Variants in DALRD3 observed in about 807,000 individuals in gnomAD.
DALRD3 encodes the protein DALR anticodon binding domain containing 3.
DALRD3 carries 47 observed loss-of-function variants against 56.7 expected under a neutral mutation model. That is an observed-to-expected ratio of 0.83 (90% CI 0.66 to 1.06). The LOEUF is 1.06. DALRD3 is among the 50% of genes least tolerant of loss of function. The pLI, the probability that DALRD3 is intolerant of heterozygous loss-of-function variation, is 0.00. For synonymous variants in DALRD3, 347 were observed against 308.5 expected, an observed-to-expected ratio of 1.12 and a Z score of -1.31; for missense variants, 787 against 724.0, an observed-to-expected ratio of 1.09 and a Z score of -1.00.
chr3:49,019,933 A>G (rs1393401838), upstream of DALRD3, among the ~76,000 whole-genome samples: 1 of 152,220 alleles, frequency 6.6e-6, no homozygotes, highest in Non-Finnish European at 1.5e-5. Context: ...TCCTCTACCA[A>G]TAGGAAAGGT....
intron 1 of DALRD3, 24 bp downstream of exon 1, chr3:49,018,376 C>T: frequency 1.3e-6 from 2 of 1,533,720 alleles, no homozygotes; most frequent in Admixed American, 2.1e-5. Flanking sequence ...CCCGGCCGCA[C>T]GGCCCCGCCC....
In DALRD3 at chr3:49,016,846, T is replaced by G. The variant is rs1248672463; in HGVS notation, c.929A>C (p.Lys310Thr). 1 of 1,614,094 alleles carries G rather than the reference T, an allele frequency of 6.2e-7. No homozygotes were observed. The highest frequency in any genetic ancestry group is 8.5e-7 in the Non-Finnish European group (1 of 1,180,044). ...KLVDKAPLRQ[K>T]HLICGPVKVA... is the part of the protein sequence containing the mutation. ...TTTCACAGGGCCACAGATGAGGTGCTTCTGTCAGAAAGATGTCAGGGGCTC... is the reference window on the plus strand; with the variant it reads ...TTTCACAGGGCCACAGATGAGGTGCGTCTGTCAGAAAGATGTCAGGGGCTC... Residue 310 changes from lysine to threonine, a missense_variant and splice_region_variant, in exon 6 of 12, where the codon AAG becomes ACG. By Grantham distance (78) the Lys-to-Thr change is moderately conservative. Coordinates refer to ENST00000341949, the MANE Select transcript of DALRD3 (RefSeq NM_001009996.3).
chr3:49,021,298 C>T (rs1353658974), upstream of DALRD3: 1 of 152,424 alleles, frequency 6.6e-6, no homozygotes, highest in Non-Finnish European at 1.5e-5. The surrounding 1 kb of genome is among the most constrained non-coding windows in gnomAD (Gnocchi z 4.1). Flanking sequence ...ATGCCCAAAC[C>T]CCGCGCGGGG....
Position 49,016,087 on chromosome 3 carries a change from C to T in DALRD3, c.1330-1G>A. Reference sequence around the variant, plus strand: ...TGTTGAAGAGCAACAACCACTCACCCTGTTGGGGAGAAAGGTGCTGGGAGG... The same window carrying T: ...TGTTGAAGAGCAACAACCACTCACCTTGTTGGGGAGAAAGGTGCTGGGAGG... On this transcript the variant is annotated splice_acceptor_variant, in intron 9 of 11. Transcript: ENST00000341949. LOFTEE classifies it high-confidence loss of function. 6.2e-7 allele frequency: 1 copy of T among 1,605,190 alleles called. No individual in the cohort carries two copies. Among genetic ancestry groups the T allele is most frequent in the Non-Finnish European group, 8.5e-7 (1 of 1,173,828 alleles).
upstream of DALRD3, among the ~76,000 whole-genome samples, chr3:49,019,851 G>C (rs747358375): frequency 6.6e-6 from 1 of 152,166 alleles, no homozygotes; most frequent in Non-Finnish European, 1.5e-5. Context: ...CCTGTTTTAG[G>C]CAACAGCCAT....
rs2106719629 is a variant in DALRD3 at position 49,016,212 on chromosome 3, C to T, written c.1275G>A (p.Leu425=). ...TGCTCACAGGAGGAAAAGTGGGGTACAGACCTTGTTCCATACTACACTTGT... is the reference window on the plus strand; with the variant it reads ...TGCTCACAGGAGGAAAAGTGGGGTATAGACCTTGTTCCATACTACACTTGT... ...ESYKCSMEQG[L]YPTFPPVSSL... is the part of the protein sequence containing the mutation. The change falls in exon 9 of 12, where the codon CTG becomes CTA. Residue 425 remains leucine, a synonymous_variant. Transcript: ENST00000341949. 6.2e-7 allele frequency: 1 copy of T among 1,614,164 alleles called. No homozygotes were observed. The highest frequency in any genetic ancestry group is 2.2e-5 in the East Asian group (1 of 44,878).
chr3:49,017,152 C>T (rs1184891976), intron 5 of DALRD3, 76 bp downstream of exon 5: 2 of 1,596,506 alleles, frequency 1.3e-6, no homozygotes, highest in East Asian at 4.5e-5. Context: ...GCTAACAAGC[C>T]CCTCGGTGGG....
intron 2 of DALRD3, 58 bp downstream of exon 2, chr3:49,017,965 G>A (rs929992145): frequency 6.5e-5 from 97 of 1,497,636 alleles, no homozygotes; most frequent in Admixed American, 1.9e-4. Flanking sequence ...GGCGCCGCTC[G>A]CTTTCTAGGT....
In DALRD3 at chr3:49,017,241, G is replaced by A. The variant is rs1401843939; in HGVS notation, c.914C>T (p.Ala305Val). ...DLLWQKLVDK[A>V]PLRQKHLICG... ...TTATTAACCTACCTGTCTGAGTGGAGCCTTGTCAACCAACTTCTGCCAAAG... is the reference window on the plus strand; with the variant it reads ...TTATTAACCTACCTGTCTGAGTGGAACCTTGTCAACCAACTTCTGCCAAAG... Residue 305 changes from alanine to valine, a missense_variant, in exon 5 of 12, where the codon GCT (alanine) becomes GTT (valine). Physicochemically the swap from Ala to Val is moderately conservative, Grantham distance 64 (BLOSUM62 0). Transcript: ENST00000341949. The A allele has an allele frequency of 1.9e-6, 3 of 1,614,084 alleles. No homozygotes were observed. Among genetic ancestry groups the A allele is most frequent in the East Asian group, 4.5e-5 (2 of 44,902 alleles).
In DALRD3 at chr3:49,016,462, C is replaced by T; in HGVS notation, c.1113G>A (p.Lys371=). The T allele has an allele frequency of 6.2e-7, 1 of 1,614,082 alleles. No individual in the cohort carries two copies. Among genetic ancestry groups the T allele is most frequent in the Non-Finnish European group, 8.5e-7 (1 of 1,180,000 alleles). The change falls in exon 8 of 12, where the codon AAG becomes AAA. Residue 371 remains lysine (K), a synonymous_variant. Transcript: ENST00000341949. The part of the protein sequence containing the change: ...IFGVLSVATI[K]FEMLSTAPQS... The stretch of plus-strand genomic sequence containing the variant: ...GTGGGGCTGTGCTCAGCATCTCAAA[C>T]TTGATGGTGGCCACAGAGAGAACAC...
chr3:49,018,684 G>T, upstream of DALRD3: 4 of 1,416,950 alleles, frequency 2.8e-6, no homozygotes, highest in Non-Finnish European at 2.8e-6. Flanking sequence ...AGGTGCGCCA[G>T]TGGTAGCCCT....
rs775082689 is a variant in DALRD3 at position 49,015,602 on chromosome 3, G to A, written c.1618C>T (p.Leu540=). 1.9e-6 allele frequency: 3 copies of A among 1,614,040 alleles called. No homozygotes were observed. The highest frequency in any genetic ancestry group is 2.5e-6 in the Non-Finnish European group (3 of 1,180,048). The change falls in exon 12 of 12, where the codon CTG becomes TTG. Residue 540 remains leucine, a synonymous_variant. Transcript: ENST00000341949. ...TGLAMLGLPP[L]SHI The stretch of plus-strand genomic sequence containing the variant: ...CCTCTGTGGCCTTAAATGTGGCTCA[G>A]TGGAGGGAGACCCAGCATAGCCAGG...
intron 11 of DALRD3, 39 bp downstream of exon 11, chr3:49,015,765 C>T (rs767760752): frequency 1.2e-6 from 2 of 1,614,116 alleles, no homozygotes; most frequent in South Asian, 2.2e-5. Flanking sequence ...TTACCCTATA[C>T]CTCTCTGCAC....
At position 49,017,785 on chromosome 3, in the gene DALRD3, G is replaced by A. The variant is rs375570832; in HGVS notation, c.546C>T (p.Ala182=). ...LQQLRVDWPA[A]SERASSHTLR... ...GGGTGTGGGAGGAAGCTCTCTCCGA[G>A]GCAGCGGGCCAGTCCACCCGCAGTT... is the stretch of plus-strand genomic sequence containing the variant. The change falls in exon 3 of 12, where the codon GCC becomes GCT. Residue 182 remains alanine, a synonymous_variant. Transcript: ENST00000341949. 5.8e-5 allele frequency: 94 copies of A among 1,613,546 alleles called. No homozygotes were observed. In the African/African-American group the frequency reaches 1.1e-3, roughly 19 times the overall value.
Position 49,016,849 on chromosome 3 carries a change from T to A in DALRD3, c.928-2A>T. On this transcript the variant is annotated splice_acceptor_variant, in intron 5 of 11. Coordinates refer to ENST00000341949, the MANE Select transcript of DALRD3 (RefSeq NM_001009996.3). LOFTEE classifies it high-confidence loss of function. ...CACAGGGCCACAGATGAGGTGCTTC[T>A]GTCAGAAAGATGTCAGGGGCTCAGC... 1.9e-6 allele frequency: 3 copies of A among 1,614,200 alleles called. No individual in the cohort carries two copies. The South Asian group carries it at 3.3e-5, about 18-fold the overall frequency.
intron 9 of DALRD3, 33 bp downstream of exon 9, chr3:49,016,125 C>T (rs781511354): frequency 3.1e-6 from 5 of 1,610,690 alleles, no homozygotes; most frequent in Non-Finnish European, 4.2e-6. Context: ...AAGTCCAGGC[C>T]TCCTTGTGCC....
At chr3:49,019,389 A>T (rs1216971213), upstream of DALRD3, among the ~76,000 whole-genome samples, 1 of 152,014 alleles carries the variant, frequency 6.6e-6, no homozygotes, top group Non-Finnish European at 1.5e-5. Context: ...CTTTATGCCC[A>T]ATAAATAAGC....
rs759813973 is a variant in DALRD3, at chr3:49,018,126, G to C, written c.358C>G (p.Leu120Val). 1.0e-5 allele frequency: 15 copies of C among 1,473,760 alleles called. No individual in the cohort carries two copies. The highest frequency in any genetic ancestry group is 1.2e-5 in the Non-Finnish European group (14 of 1,122,822). 91.3% of individuals were successfully genotyped at this position (1,473,760 alleles called of 1,614,324 possible). Residue 120 changes from leucine (L) to valine (V), a missense_variant, in exon 2 of 12, where the codon CTA becomes GTA. By Grantham distance (32) the Leu-to-Val change is conservative. Coordinates refer to ENST00000341949, the MANE Select transcript of DALRD3 (RefSeq NM_001009996.3). Reference protein sequence around the residue: ...SPASLGQRVLLHCPALRSSPC... With the variant: ...SPASLGQRVLVHCPALRSSPC... Reference sequence around the variant, plus strand: ...GAGCTGCGCAGTGCTGGGCAGTGTAGTAAGACGCGCTGGCCCAGCGAGGCA... The same window carrying C: ...GAGCTGCGCAGTGCTGGGCAGTGTACTAAGACGCGCTGGCCCAGCGAGGCA...
chr3:49,018,688 T>C (rs541878468), upstream of DALRD3: 14 of 1,415,252 alleles, frequency 9.9e-6, no homozygotes, highest in Middle Eastern at 2.3e-4. Context: ...GCGCCAGTGG[T>C]AGCCCTGTCG....
Sources: gnomAD v4.1 joint callset for allele counts (sites outside exome capture counted in the v4.1 genomes callset) on GRCh38, gnomAD v4.1.1 for gene constraint, Gnocchi (gnomAD v3.1) non-coding constraint, MANE v1.5 for transcripts, NCBI Gene and HGNC (gene_info 2026-07-23, HGNC 2026-07-21) for gene names.